Variants in ROR2 observed in about 807,000 individuals in gnomAD.
ROR2 encodes ROR family WNT receptor 2, also known as tyrosine-protein kinase transmembrane receptor ROR2.
In ROR2, 33 loss-of-function variants were observed where a neutral mutation model predicts 74.9. That is an observed-to-expected ratio of 0.44 (90% confidence interval 0.33 to 0.59). The LOEUF is 0.59. Among genes scored for constraint, ROR2 ranks in the 20% least tolerant of loss-of-function variants. The pLI is 0.02. For missense variants in ROR2, 1,216 were observed against 1,313.8 expected, an observed-to-expected ratio of 0.93 and a Z score of 1.15; for synonymous variants, 586 against 558.7, an observed-to-expected ratio of 1.05 and a Z score of -0.69.
At chr9:91,874,962 G>T (rs1362396829) in intron 1 of ROR2, among the ~76,000 whole-genome samples, 2 of 151,406 alleles carry the variant, frequency 1.3e-5, no homozygotes, top group South Asian at 2.1e-4. Context: ...AGACAACTGA[G>T]AACTCCTCTA....
At chr9:91,867,689 T>C (rs1397680238) in intron 1 of ROR2, among the ~76,000 whole-genome samples, 4 of 151,786 alleles carry the variant, frequency 2.6e-5, no homozygotes, top group Non-Finnish European at 5.9e-5. Flanking sequence ...TGTGTGTGTG[T>C]GTGTGTGTGT....
chr9:91,924,539 AT>A (rs1361561844), intron 1 of ROR2, among the ~76,000 whole-genome samples: 6 of 152,226 alleles, frequency 3.9e-5, no homozygotes, highest in African/African-American at 1.2e-4. Flanking sequence ...TACGCCTGTA[AT>A]CCCAGCACTT....
chr9:91,947,345 T>G lies in ROR2; in HGVS notation c.97+2522A>C, dbSNP rs187000872. 2.6e-5 allele frequency among the ~76,000 whole-genome samples: 4 copies of G among 152,342 alleles called. No individual in the cohort carries two copies. In the East Asian group the frequency reaches 7.7e-4, roughly 29 times the overall value. Reference sequence around the variant, plus strand: ...CAGATTTTCAGGGTGACATGCTTTATGAAGTGGACATGAGAGTTAAGCAGG... The same window carrying G: ...CAGATTTTCAGGGTGACATGCTTTAGGAAGTGGACATGAGAGTTAAGCAGG... On this transcript the variant is annotated intron_variant, in intron 1 of 8. Transcript: ENST00000375708.
intron 1 of ROR2, among the ~76,000 whole-genome samples, 181 bp downstream of exon 1, chr9:91,949,686 G>C (rs1214550852): frequency 2.0e-5 from 3 of 152,198 alleles, no homozygotes; most frequent in African/African-American, 7.2e-5. Flanking sequence ...TAACCAGCCC[G>C]AGGGGGTCCG....
intron 1 of ROR2, among the ~76,000 whole-genome samples, chr9:91,890,823 A>T (rs946601628): frequency 2.6e-5 from 4 of 152,192 alleles, no homozygotes; most frequent in Non-Finnish European, 5.9e-5. Flanking sequence ...TCTTTGAAAG[A>T]ATCCTTTTAT....
At chr9:91,795,097 A>G (rs2119021907) in intron 1 of ROR2, among the ~76,000 whole-genome samples, 1 of 152,290 alleles carries the variant, frequency 6.6e-6, no homozygotes, top group African/African-American at 2.4e-5. Context: ...CAGCCTGGGC[A>G]ACATAGCAAG....
intron 1 of ROR2, among the ~76,000 whole-genome samples, chr9:91,843,979 C>A (rs1177798521): frequency 6.6e-6 from 1 of 152,362 alleles, no homozygotes; most frequent in East Asian, 1.9e-4. Context: ...CAGAGCGGGG[C>A]CTTTCAACAG....
Position 91,839,561 on chromosome 9 carries a change from T to C in ROR2, c.98-63743A>G, listed in dbSNP as rs1175704325. 5.3e-5 allele frequency among the ~76,000 whole-genome samples: 8 copies of C among 151,950 alleles called. No individual in the cohort carries two copies. In the East Asian group the frequency reaches 1.5e-3, roughly 29 times the overall value. On this transcript the variant is annotated intron_variant, in intron 1 of 8. Coordinates refer to ENST00000375708, the MANE Select transcript of ROR2 (RefSeq NM_004560.4). ...GTATATGAGTGTGGTGTGTCTGGTATATGAATGTGAGGGAGTGTGTTTGTG... is the reference window on the plus strand; with the variant it reads ...GTATATGAGTGTGGTGTGTCTGGTACATGAATGTGAGGGAGTGTGTTTGTG...
intron 1 of ROR2, among the ~76,000 whole-genome samples, chr9:91,816,977 T>C (rs987576117): frequency 2.0e-5 from 3 of 152,184 alleles, no homozygotes; most frequent in African/African-American, 7.2e-5. Flanking sequence ...AGAGGTGTCT[T>C]TAACTGACCA....
At chr9:91,909,761 G>A (rs1830905305) in intron 1 of ROR2, among the ~76,000 whole-genome samples, 1 of 149,526 alleles carries the variant, frequency 6.7e-6, no homozygotes, top group Non-Finnish European at 1.5e-5. Context: ...AGACATACTG[G>A]ACATACTGTG....
chr9:91,886,822 G>A (rs12683797), intron 1 of ROR2: 43,315 of 152,022 alleles, frequency 0.28, 6,495 homozygotes, highest in Admixed American at 0.44. Flanking sequence ...TACCTGCTGG[G>A]GCATCTTTCT....
chr9:91,833,067 A>G (rs1453933071), intron 1 of ROR2, among the ~76,000 whole-genome samples: 2 of 151,886 alleles, frequency 1.3e-5, no homozygotes, highest in Non-Finnish European at 2.9e-5. Context: ...GCCCTGCAAC[A>G]CCCCCAAAGA....
chr9:91,740,726 G>A (rs1825207240), intron 4 of ROR2, among the ~76,000 whole-genome samples: 1 of 151,976 alleles, frequency 6.6e-6, no homozygotes, highest in Non-Finnish European at 1.5e-5. Context: ...GCACATTTGG[G>A]GCCTTGGAAG....
intron 1 of ROR2, among the ~76,000 whole-genome samples, chr9:91,847,655 T>A (rs554030073): frequency 1.0e-3 from 158 of 152,244 alleles, no homozygotes; most frequent in African/African-American, 3.6e-3. Context: ...CATTTCCGTG[T>A]GCAGCCTGCC....
chr9:91,936,827 G>A (rs10992175), intron 1 of ROR2, among the ~76,000 whole-genome samples: 21,814 of 151,118 alleles, frequency 0.14, 3,460 homozygotes, highest in African/African-American at 0.4. Context: ...TCAGGAGATC[G>A]AGACCATCCC....
At chr9:91,764,461 T>C (rs985216385) in intron 2 of ROR2, among the ~76,000 whole-genome samples, 1 of 152,134 alleles carries the variant, frequency 6.6e-6, no homozygotes, top group South Asian at 2.1e-4. Context: ...TTGAAAGTTA[T>C]ACATAAGTGG....
chr9:91,896,266 G>A (rs1233768607), intron 1 of ROR2, among the ~76,000 whole-genome samples: 1 of 152,186 alleles, frequency 6.6e-6, no homozygotes, highest in African/African-American at 2.4e-5. Context: ...CCGCTCCACT[G>A]GGTATATTTG....
intron 1 of ROR2, among the ~76,000 whole-genome samples, chr9:91,932,954 G>A (rs1346267431): frequency 2.0e-5 from 3 of 152,218 alleles, no homozygotes; most frequent in Non-Finnish European, 4.4e-5. Flanking sequence ...ATTACTGGGA[G>A]AATAAATTGC....
chr9:91,759,596 C>T (rs187331800), intron 2 of ROR2, among the ~76,000 whole-genome samples: 16 of 152,286 alleles, frequency 1.1e-4, no homozygotes, highest in Admixed American at 2.6e-4. Context: ...CTTTGTTTCT[C>T]TGTTGAATGC....
Sources: allele counts gnomAD v4.1 joint callset (sites outside exome capture counted in the v4.1 genomes callset), GRCh38; gene constraint gnomAD v4.1.1; transcripts MANE v1.5; gene names NCBI Gene and HGNC (gene_info 2026-07-23, HGNC 2026-07-21).